The following MAPK8 variants were observed in gnomAD, a reference collection of about 807,000 sequenced individuals.
MAPK8 encodes JUN N-terminal kinase.
A neutral mutation model predicts 52.9 loss-of-function variants in MAPK8; 13 were observed. That is an observed-to-expected ratio of 0.25 (90% confidence interval 0.16 to 0.39). The LOEUF (loss-of-function observed/expected upper bound fraction) is 0.39, where lower values mean the gene tolerates loss of function less well. MAPK8 is among the 10% of genes least tolerant of loss of function. The probability of loss-of-function intolerance (pLI) is 1.00; values close to 1 mark genes in which losing one functional copy is unlikely to be tolerated. For synonymous variants in MAPK8, 191 were observed against 169.8 expected, an observed-to-expected ratio of 1.12 and a Z score of -0.97; for missense variants, 300 against 519.2, an observed-to-expected ratio of 0.58 and a Z score of 4.10.
chr10:48,342,178 A>T (rs1326870474), intron 1 of MAPK8, among the ~76,000 whole-genome samples: 1 of 152,214 alleles, frequency 6.6e-6, no homozygotes, highest in African/African-American at 2.4e-5. Flanking sequence ...GTCACGGCTG[A>T]TCACAGCCTC....
intron 1 of MAPK8, among the ~76,000 whole-genome samples, chr10:48,400,109 A>G (rs993017420): frequency 1.1e-4 from 16 of 152,192 alleles, no homozygotes; most frequent in African/African-American, 3.9e-4. Flanking sequence ...AGGATGAACA[A>G]TCCCTGTATG....
chr10:48,388,520 T>C (rs1461089341), intron 1 of MAPK8, among the ~76,000 whole-genome samples: 1 of 152,086 alleles, frequency 6.6e-6, no homozygotes, highest in Non-Finnish European at 1.5e-5. Context: ...AAAACCCCTT[T>C]AAGAGGATAA....
rs1412630554 is a variant in MAPK8, at chr10:48,323,515, A to G, written c.-50+16694A>G. On this transcript the variant is annotated intron_variant, in intron 1 of 11. Transcript: ENST00000374189. ...GGGATTGCAGAAAGAATTTAATTTC[A>G]TAGAACCCATTATTAATATGAGAGA... Among the ~76,000 whole-genome samples the G allele has an allele frequency of 2.6e-5, 4 of 152,350 alleles. No individual in the cohort carries two copies. In the East Asian group the frequency reaches 7.7e-4, roughly 29 times the overall value.
chr10:48,383,985 C>T (rs892143731), intron 1 of MAPK8, among the ~76,000 whole-genome samples: 1 of 151,924 alleles, frequency 6.6e-6, no homozygotes, highest in Non-Finnish European at 1.5e-5. Flanking sequence ...GGCCCAGTGC[C>T]GTGGCTCATG....
intron 5 of MAPK8, among the ~76,000 whole-genome samples, chr10:48,417,826 C>T (rs2043144891): frequency 6.6e-6 from 1 of 152,152 alleles, no homozygotes; most frequent in Non-Finnish European, 1.5e-5. Context: ...CCCTGAAATT[C>T]TAGGCTCTGT....
chr10:48,332,583 G>A (rs1844262852), intron 1 of MAPK8, among the ~76,000 whole-genome samples: 1 of 152,134 alleles, frequency 6.6e-6, no homozygotes, highest in Non-Finnish European at 1.5e-5. Flanking sequence ...ACTACCTTAG[G>A]GATGTCTGGG....
intron 1 of MAPK8, among the ~76,000 whole-genome samples, chr10:48,313,308 C>T (rs895286500): frequency 2.0e-5 from 3 of 152,044 alleles, no homozygotes; most frequent in Admixed American, 2.0e-4. Context: ...TAGCGTACGC[C>T]TGTAATCCCA....
chr10:48,316,030 G>A (rs1842464013), intron 1 of MAPK8, among the ~76,000 whole-genome samples: 1 of 152,196 alleles, frequency 6.6e-6, no homozygotes, highest in Non-Finnish European at 1.5e-5. Context: ...TAAAGTTAAT[G>A]TAACTTGAAA....
At chr10:48,322,916 G>C (rs1843130730) in intron 1 of MAPK8, among the ~76,000 whole-genome samples, 1 of 152,136 alleles carries the variant, frequency 6.6e-6, no homozygotes, top group Non-Finnish European at 1.5e-5. Context: ...ACTTGGGCAG[G>C]TGTCCAGTTT....
chr10:48,409,234 A>G (rs1564597054), intron 3 of MAPK8, among the ~76,000 whole-genome samples: 1 of 152,208 alleles, frequency 6.6e-6, no homozygotes, highest in Admixed American at 6.5e-5. Flanking sequence ...TAGAATGGAC[A>G]GCATTCTATG....
At chr10:48,404,709 C>A in intron 2 of MAPK8, 143 bp from the exon 3 acceptor site, 1 of 587,822 alleles carries the variant, frequency 1.7e-6, no homozygotes. Context: ...ATATAGAAGA[C>A]ACATGTTGAG....
chr10:48,353,895 G>A (rs1372622097), intron 1 of MAPK8, among the ~76,000 whole-genome samples: 1 of 152,200 alleles, frequency 6.6e-6, no homozygotes, highest in Non-Finnish European at 1.5e-5. Flanking sequence ...AGAGAGGGAA[G>A]TGAATGTGAC....
intron 10 of MAPK8, among the ~76,000 whole-genome samples, chr10:48,429,236 A>G (rs972297894): frequency 4.6e-5 from 7 of 152,176 alleles, no homozygotes; most frequent in Admixed American, 2.0e-4. Flanking sequence ...AAAGAAAAAA[A>G]CACCTTCGGT....
intron 2 of MAPK8, 33 bp downstream of exon 2, chr10:48,401,815 A>G: frequency 7.2e-7 from 1 of 1,381,320 alleles, no homozygotes; most frequent in Non-Finnish European, 9.4e-7. Flanking sequence ...TAGGCAAAGA[A>G]TCATTAACTG....
Position 48,411,926 on chromosome 10 carries a change from C to T in MAPK8, c.450+1758C>T, listed in dbSNP as rs139720759. ...CTTCTCCATTCTCAGCTCACTGCAA[C>T]CTCTACCTCCTGGGTTCAAACAATT... On this transcript the variant is annotated intron_variant, in intron 5 of 11. Transcript: ENST00000374189. Among the ~76,000 whole-genome samples the T allele has an allele frequency of 2.3e-3, 333 of 147,302 alleles. 1 individual carries two copies. Among genetic ancestry groups the T allele is most frequent in the African/African-American group, 7.5e-3 (305 of 40,464 alleles).
intron 1 of MAPK8, among the ~76,000 whole-genome samples, chr10:48,337,888 A>G (rs1422761817): frequency 6.6e-6 from 1 of 151,500 alleles, no homozygotes; most frequent in Non-Finnish European, 1.5e-5. Context: ...GCCTTCCAAG[A>G]GTGAACCAGG....
intron 1 of MAPK8, among the ~76,000 whole-genome samples, chr10:48,331,337 C>A (rs7100777): frequency 6.6e-6 from 1 of 152,142 alleles, no homozygotes; most frequent in Non-Finnish European, 1.5e-5. Context: ...GGAGGAGTCC[C>A]CTGCCAGTTT....
At chr10:48,379,668 G>T (rs1388665770) in intron 1 of MAPK8, among the ~76,000 whole-genome samples, 1 of 152,064 alleles carries the variant, frequency 6.6e-6, no homozygotes, top group African/African-American at 2.4e-5. Context: ...CAAACAAAAA[G>T]TGATTAAAAA....
rs773097055 is a variant in MAPK8, at chr10:48,434,915, A to G, written c.1170A>G (p.Pro390=). The stretch of plus-strand genomic sequence containing the variant: ...CAGTGATCAATGGCTCTCAGCATCC[A>G]TCATCATCGTCGTCTGTCAATGATG... The part of the protein sequence containing the change: ...GAAVINGSQH[P]SSSSSVNDVS... Residue 390 remains proline, a synonymous_variant, in exon 12 of 12, where the codon CCA becomes CCG. Transcript: ENST00000374189. The G allele has an allele frequency of 1.9e-6, 3 of 1,613,624 alleles. No homozygotes were observed. The highest frequency in any genetic ancestry group is 1.1e-5 in the South Asian group (1 of 91,020).
Sources: gnomAD v4.1 joint callset for allele counts (sites outside exome capture counted in the v4.1 genomes callset) on GRCh38, gnomAD v4.1.1 for gene constraint, MANE v1.5 for transcripts, NCBI Gene and HGNC (gene_info 2026-07-23, HGNC 2026-07-21) for gene names.